The following ACTR10 variants were observed in gnomAD, a reference collection of about 807,000 sequenced individuals.
The protein encoded by ACTR10 is actin-related protein 10.
ACTR10 carries 43 observed loss-of-function variants against 56.2 expected under a neutral mutation model. The ratio of observed to expected loss-of-function variants is 0.77; its 90% CI spans 0.60 to 0.99. The LOEUF (loss-of-function observed/expected upper bound fraction) is 0.99, where lower values mean the gene tolerates loss of function less well. Among genes scored for constraint, ACTR10 ranks in the 50% least tolerant of loss-of-function variants. The pLI is 0.00. For missense variants in ACTR10, 466 were observed against 507.8 expected (o/e 0.92, Z 0.79); for synonymous variants, 170 against 176.3 (o/e 0.96, Z 0.28).
intron 2 of ACTR10, among the ~76,000 whole-genome samples, chr14:58,204,599 G>A (rs980959907): frequency 6.6e-6 from 1 of 152,146 alleles, no homozygotes; most frequent in African/African-American, 2.4e-5. Context: ...ATGTTAGCCA[G>A]TGGGTTCTGA....
chr14:58,232,071 G>A lies in ACTR10; in HGVS notation c.876G>A (p.Pro292=), dbSNP rs199890031. The stretch of plus-strand genomic sequence containing the variant: ...TTTTTTCTTTTTAATAACAGTGTCC[G>A]ATAGACACCAGGAAGCAACTAGCAG... ...TLILDSLIQC[P]IDTRKQLAEN... is the part of the protein sequence containing the mutation. The change falls in exon 12 of 13, where the codon CCG becomes CCA. Residue 292 remains proline (P), a synonymous_variant. Coordinates refer to ENST00000254286, the MANE Select transcript of ACTR10 (RefSeq NM_018477.3). The A allele has an allele frequency of 4.2e-5, 67 of 1,610,470 alleles. No individual in the cohort carries two copies. Among genetic ancestry groups the A allele is most frequent in the East Asian group, 3.1e-4 (14 of 44,842 alleles).
At chr14:58,226,106 AT>A (rs1252639497) in intron 10 of ACTR10, among the ~76,000 whole-genome samples, 1 of 151,626 alleles carries the variant, frequency 6.6e-6, no homozygotes, top group Non-Finnish European at 1.5e-5. Flanking sequence ...ACAAAAAAAA[AT>A]TTTTTTTTAA....
At chr14:58,220,275 A>G (rs1216328294) in intron 8 of ACTR10, among the ~76,000 whole-genome samples, 1 of 152,172 alleles carries the variant, frequency 6.6e-6, no homozygotes, top group Non-Finnish European at 1.5e-5. Context: ...ATTAATGTTA[A>G]TAATTTAGGA....
chr14:58,222,992 G>A (rs896170875), intron 8 of ACTR10, among the ~76,000 whole-genome samples: 1 of 151,910 alleles, frequency 6.6e-6, no homozygotes, highest in African/African-American at 2.4e-5. Context: ...TTTTATTGTG[G>A]TCCTCCTTAT....
intron 8 of ACTR10, among the ~76,000 whole-genome samples, chr14:58,222,423 A>T (rs1206047867): frequency 6.6e-6 from 1 of 152,210 alleles, no homozygotes; most frequent in Non-Finnish European, 1.5e-5. Flanking sequence ...CAATCATTAC[A>T]AAAAGCCCAA....
intron 2 of ACTR10, among the ~76,000 whole-genome samples, chr14:58,205,130 A>C (rs2140042247): frequency 6.6e-6 from 1 of 151,926 alleles, no homozygotes; most frequent in East Asian, 2.0e-4. Flanking sequence ...CTGAGGCAGG[A>C]GAATCACTTG....
At chr14:58,204,892 T>A (rs1402920080) in intron 2 of ACTR10, among the ~76,000 whole-genome samples, 2 of 152,200 alleles carry the variant, frequency 1.3e-5, no homozygotes, top group African/African-American at 4.8e-5. Flanking sequence ...TCTGACATTA[T>A]TTCCTTTTTT....
rs772245659 is a variant in ACTR10, at chr14:58,200,295, G to C, written c.77+1G>C. 3 of 1,502,524 alleles carry C rather than the reference G, an allele frequency of 2.0e-6. No homozygotes were observed. In the African/African-American group the frequency reaches 4.4e-5, roughly 22 times the overall value. The allele number at this position is 1,502,524 out of a possible 1,614,324, so 93.1% of individuals were successfully genotyped here. A position where few individuals can be genotyped will look rare whatever the true frequency, so the allele number is the denominator to read the frequency against. ...TCGACCTGGGAGAGGCCTTTACCAA[G>C]TGAGTGGCCGTGACGCCAGCTGTGT... is the stretch of plus-strand genomic sequence containing the variant. On this transcript the variant is annotated splice_donor_variant, in intron 1 of 12. Transcript: ENST00000254286. LOFTEE classifies it high-confidence loss of function.
chr14:58,200,904 C>T (rs554876814), intron 1 of ACTR10, among the ~76,000 whole-genome samples: 29 of 152,264 alleles, frequency 1.9e-4, no homozygotes, highest in Middle Eastern at 3.4e-3. Flanking sequence ...CTCAACCTTT[C>T]GGATGGCATA....
At chr14:58,215,356 T>G in intron 7 of ACTR10, 72 bp downstream of exon 7, 1 of 923,970 alleles carries the variant, frequency 1.1e-6, no homozygotes, top group South Asian at 1.5e-5. Context: ...TTTTAGTCTT[T>G]GCTCCATTGC....
At chr14:58,221,163 G>A (rs972580254) in intron 8 of ACTR10, among the ~76,000 whole-genome samples, 1 of 151,518 alleles carries the variant, frequency 6.6e-6, no homozygotes, top group Non-Finnish European at 1.5e-5. Context: ...CTCGCCTGTA[G>A]TCCCAGCTAC....
intron 8 of ACTR10, among the ~76,000 whole-genome samples, chr14:58,220,177 T>G (rs1889229449): frequency 6.6e-6 from 1 of 152,240 alleles, no homozygotes; most frequent in Non-Finnish European, 1.5e-5. Flanking sequence ...GGTGAATTTC[T>G]ATGATAAAGT....
At chr14:58,224,984 C>T (rs907705286) in intron 10 of ACTR10, among the ~76,000 whole-genome samples, 5 of 145,542 alleles carry the variant, frequency 3.4e-5, no homozygotes, top group South Asian at 2.2e-4. Flanking sequence ...AGCAAAACTC[C>T]ATCTCAAAAA....
rs781344869 is a variant in ACTR10, at chr14:58,202,889, A to G, written c.112A>G (p.Ile38Val). The change falls in exon 2 of 13, where the codon ATA (isoleucine) becomes GTA (valine). Residue 38 changes from isoleucine (I) to valine (V), a missense_variant. By Grantham distance (29) the Ile-to-Val change is conservative. Transcript: ENST00000254286. ...TGCTGGAGAAACTGGTCCAAGATGTATAATTCCTAGTGTGATAAAAAGAGC... is the reference window on the plus strand; with the variant it reads ...TGCTGGAGAAACTGGTCCAAGATGTGTAATTCCTAGTGTGATAAAAAGAGC... ...GFAGETGPRC[I>V]IPSVIKRAGM... is the part of the protein sequence containing the mutation. The G allele has an allele frequency of 7.5e-6, 12 of 1,608,848 alleles. No individual in the cohort carries two copies. Among genetic ancestry groups the G allele is most frequent in the East Asian group, 4.5e-5 (2 of 44,728 alleles).
chr14:58,201,912 A>G lies in ACTR10; in HGVS notation c.78-943A>G, dbSNP rs563284523. The stretch of plus-strand genomic sequence containing the variant: ...TAGCACTTTGGGAGGCCAAGGGGGG[A>G]GGATCGCTTGAGCCTGGGAAGCGGA... On this transcript the variant is annotated intron_variant, in intron 1 of 12. Coordinates refer to ENST00000254286, the MANE Select transcript of ACTR10 (RefSeq NM_018477.3). Among the ~76,000 whole-genome samples, 6 of 148,076 alleles carry G rather than the reference A, an allele frequency of 4.1e-5. No individual in the cohort carries two copies. The East Asian group carries it at 6.3e-4, about 15-fold the overall frequency.
chr14:58,210,932 C>T (rs1455815659), intron 4 of ACTR10, among the ~76,000 whole-genome samples: 1 of 152,212 alleles, frequency 6.6e-6, no homozygotes, highest in Non-Finnish European at 1.5e-5. Context: ...GCCTCAGCCT[C>T]CCAAAGTGCT....
intron 1 of ACTR10, 127 bp downstream of exon 1, chr14:58,200,421 C>A (rs938937573): frequency 1.5e-6 from 1 of 649,044 alleles, no homozygotes; most frequent in Non-Finnish European, 2.3e-6. Flanking sequence ...CTTCAACCAG[C>A]GCCCTTGCAA....
At chr14:58,224,037 G>A (rs1047750724) in intron 10 of ACTR10, among the ~76,000 whole-genome samples, 181 bp downstream of exon 10, 10 of 151,492 alleles carry the variant, frequency 6.6e-5, no homozygotes, top group African/African-American at 2.4e-4. Context: ...GTCTTGCTGT[G>A]TTGCCCAGGC....
At chr14:58,203,226 C>G (rs1434676831) in intron 2 of ACTR10, among the ~76,000 whole-genome samples, 1 of 142,008 alleles carries the variant, frequency 7.0e-6, no homozygotes. Flanking sequence ...TGCTTGAACC[C>G]GGGAGGCGGA....
Sources: gnomAD v4.1 joint callset for allele counts (sites outside exome capture counted in the v4.1 genomes callset) on GRCh38, gnomAD v4.1.1 for gene constraint, MANE v1.5 for transcripts, NCBI Gene and HGNC (gene_info 2026-07-23, HGNC 2026-07-21) for gene names.